SOS1: variants seen among roughly 807,000 people sequenced by gnomAD.
The protein encoded by SOS1 is SOS Ras/Rac guanine nucleotide exchange factor 1.
A neutral mutation model predicts 157.6 loss-of-function variants in SOS1; 25 were observed. The ratio of observed to expected loss-of-function variants is 0.16; its 90% CI spans 0.12 to 0.22. The LOEUF (loss-of-function observed/expected upper bound fraction) is 0.22, where lower values mean the gene tolerates loss of function less well. Among genes scored for constraint, SOS1 ranks in the 10% least tolerant of loss-of-function variants. The probability of loss-of-function intolerance (pLI) is 1.00; values close to 1 mark genes in which losing one functional copy is unlikely to be tolerated. For synonymous variants in SOS1, 528 were observed against 534.0 expected (o/e 0.99, Z 0.16); for missense variants, 1,237 against 1,599.1 (o/e 0.77, Z 3.86).
chr2:39,074,496 A>T (rs1414628127), intron 1 of SOS1, among the ~76,000 whole-genome samples: 1 of 152,136 alleles, frequency 6.6e-6, no homozygotes, highest in African/African-American at 2.4e-5. Context: ...CCCGAGAGGC[A>T]GAGCAAAAGA....
intron 2 of SOS1, among the ~76,000 whole-genome samples, chr2:39,066,427 ACT>A (rs1483713681): frequency 6.6e-6 from 1 of 152,056 alleles, no homozygotes; most frequent in East Asian, 1.9e-4. Flanking sequence ...TTGCCAGGGA[ACT>A]CTTTCTATTT....
intron 8 of SOS1, chr2:39,034,915 A>G: frequency 2.0e-6 from 1 of 506,114 alleles, no homozygotes; most frequent in Non-Finnish European, 3.8e-6. Flanking sequence ...AACAAAAAGT[A>G]AAGGTACAAG....
At chr2:39,000,757 C>T (rs1669067460) in intron 17 of SOS1, among the ~76,000 whole-genome samples, 2 of 152,210 alleles carry the variant, frequency 1.3e-5, no homozygotes, top group African/African-American at 4.8e-5. Flanking sequence ...GGAACTGTAT[C>T]TTATCTGTCT....
At chr2:39,037,249 G>A (rs1258107320) in intron 6 of SOS1, among the ~76,000 whole-genome samples, 1 of 152,220 alleles carries the variant, frequency 6.6e-6, no homozygotes, top group Non-Finnish European at 1.5e-5. Context: ...ATGGAGTCAG[G>A]CATGAATACA....
At chr2:39,092,006 C>T (rs546802757) in intron 1 of SOS1, among the ~76,000 whole-genome samples, 27 of 152,252 alleles carry the variant, frequency 1.8e-4, no homozygotes, top group African/African-American at 6.3e-4. Flanking sequence ...ATTACGCCCA[C>T]AAAAGTCTGT....
intron 1 of SOS1, among the ~76,000 whole-genome samples, chr2:39,095,473 TC>T (rs1672739234): frequency 6.6e-6 from 1 of 152,158 alleles, no homozygotes; most frequent in Admixed American, 6.5e-5. Flanking sequence ...TCCTAGGTTA[TC>T]AAGAGAACTA....
intron 1 of SOS1, among the ~76,000 whole-genome samples, chr2:39,076,493 C>G (rs1471451001): frequency 2.6e-5 from 4 of 151,902 alleles, no homozygotes; most frequent in African/African-American, 9.7e-5. Flanking sequence ...GGAACTAAGA[C>G]TGGTTCAACA....
intron 1 of SOS1, among the ~76,000 whole-genome samples, chr2:39,077,234 T>C (rs549842643): frequency 1.1e-3 from 173 of 151,834 alleles, no homozygotes; most frequent in African/African-American, 3.7e-3. Flanking sequence ...TCTTAGCTAC[T>C]TGGGAGGCTG....
At chr2:39,007,235 TC>T in intron 15 of SOS1, 42 bp from the exon 16 acceptor site, 1 of 1,250,564 alleles carries the variant, frequency 8.0e-7, no homozygotes, top group East Asian at 2.3e-5. Context: ...TTAGAGTTTT[TC>T]CAATAAAGTT....
Position 39,022,967 on chromosome 2 carries a change from T to C in SOS1, c.1461A>G (p.Glu487=), listed in dbSNP as rs527701217. The C allele has an allele frequency of 5.0e-6, 8 of 1,613,878 alleles. No homozygotes were observed. The South Asian group carries it at 6.6e-5, about 13-fold the overall frequency. ...TAAAAAACTTTTCTTTAAGACGATA[T>C]TCTGCATTGCTAGCACCAGGAAGTC... ...QPRLPGASNA[E]YRLKEKFFMR... The change falls in exon 10 of 23, where the codon GAA becomes GAG. Residue 487 remains glutamate (E), a synonymous_variant. Coordinates refer to ENST00000402219, the MANE Select transcript of SOS1 (RefSeq NM_005633.4).
chr2:39,123,682 G>C (rs1400721890), upstream of SOS1, among the ~76,000 whole-genome samples: 1 of 152,132 alleles, frequency 6.6e-6, no homozygotes, highest in Non-Finnish European at 1.5e-5. Context: ...TGTGCGTTTC[G>C]TTCTTCATTG....
chr2:39,018,086 T>C (rs1300368200), intron 10 of SOS1, among the ~76,000 whole-genome samples: 2 of 151,926 alleles, frequency 1.3e-5, no homozygotes, highest in Non-Finnish European at 2.9e-5. Flanking sequence ...TAAAACCATG[T>C]TGCAGAGAGA....
rs534107281 is a variant in SOS1, at chr2:39,038,732, CAA to C, written c.865-3234_865-3233del. Among the ~76,000 whole-genome samples, 5 of 18,214 alleles carry C rather than the reference CAA, an allele frequency of 2.7e-4. 1 individual carries two copies. The highest frequency in any genetic ancestry group is 1.4e-3 in the Admixed American group (2 of 1,450). 11.9% of individuals were successfully genotyped at this position (18,214 alleles called of 152,430 possible). ...CTGGCAACAAAATGAGACTCCGTCT[CAA>C]AAAAAAAAAAAAAAGTCGTTTCTTG... On this transcript the variant is annotated intron_variant, in intron 6 of 22. Coordinates refer to ENST00000402219, the MANE Select transcript of SOS1 (RefSeq NM_005633.4).
At chr2:39,000,340 A>G (rs1947433) in intron 17 of SOS1, among the ~76,000 whole-genome samples, 123,885 of 152,124 alleles carry the variant, frequency 0.81, 52,442 homozygotes, top group Non-Finnish European at 0.92. Flanking sequence ...CCCTATATAC[A>G]CATATATAGT....
intron 2 of SOS1, among the ~76,000 whole-genome samples, chr2:39,061,297 C>A (rs1418694928): frequency 1.4e-5 from 2 of 146,220 alleles, no homozygotes; most frequent in African/African-American, 2.5e-5. Flanking sequence ...AGAGGCCATA[C>A]TGAAGGAATT....
chr2:39,015,361 A>G (rs182973664), intron 10 of SOS1, among the ~76,000 whole-genome samples: 1 of 152,130 alleles, frequency 6.6e-6, no homozygotes, highest in East Asian at 1.9e-4. Context: ...ACAGTTTTTA[A>G]ATTATTTGCT....
At position 38,982,422 on chromosome 2, in the gene SOS1, G is replaced by T. The variant is rs1007187906; in HGVS notation, c.*3402C>A. The T allele has an allele frequency of 6.6e-6, 1 of 152,130 alleles. No individual in the cohort carries two copies. The highest frequency in any genetic ancestry group is 1.9e-4 in the East Asian group (1 of 5,198). The allele number at this position is 152,130 out of a possible 1,614,324, so 9.4% of individuals were successfully genotyped here. Reference sequence around the variant, plus strand: ...GAAAAATATTGAATAAAGTCATCATGTTCCCTTATAAATAACTTTACTGCA... The same window carrying T: ...GAAAAATATTGAATAAAGTCATCATTTTCCCTTATAAATAACTTTACTGCA... On this transcript the variant is annotated 3_prime_UTR_variant, in exon 23 of 23. Transcript: ENST00000402219.
chr2:39,107,353 G>A (rs1673232610), intron 1 of SOS1, among the ~76,000 whole-genome samples: 2 of 152,028 alleles, frequency 1.3e-5, no homozygotes, highest in Admixed American at 6.6e-5. Flanking sequence ...GCCTGTTCCC[G>A]GGAGACACAT....
intron 6 of SOS1, among the ~76,000 whole-genome samples, chr2:39,039,152 G>A (rs1457403386): frequency 6.6e-6 from 1 of 152,142 alleles, no homozygotes; most frequent in Non-Finnish European, 1.5e-5. Flanking sequence ...TAGACATAAT[G>A]CTACTGCATG....
Sources: allele counts gnomAD v4.1 joint callset (sites outside exome capture counted in the v4.1 genomes callset), GRCh38; gene constraint gnomAD v4.1.1; transcripts MANE v1.5; gene names NCBI Gene and HGNC (gene_info 2026-07-23, HGNC 2026-07-21).